Variants in DYRK1A observed in about 807,000 individuals in gnomAD.
The protein encoded by DYRK1A is dual specificity tyrosine phosphorylation regulated kinase 1A, also known as dual specificity tyrosine-phosphorylation-regulated kinase 1A.
In DYRK1A, 9 loss-of-function variants were observed where a neutral mutation model predicts 79.7. The observed-to-expected ratio is 0.11, with a 90% CI of 0.07 to 0.20. The LOEUF is 0.20. Among genes scored for constraint, DYRK1A ranks in the 10% least tolerant of loss-of-function variants. The pLI is 1.00. For missense variants in DYRK1A, 622 were observed against 956.0 expected, an observed-to-expected ratio of 0.65 and a Z score of 4.61; for synonymous variants, 349 against 329.7, an observed-to-expected ratio of 1.06 and a Z score of -0.63.
chr21:37,496,021 A>G, intron 8 of DYRK1A, 97 bp from the exon 9 acceptor site: 1 of 1,199,942 alleles, frequency 8.3e-7, no homozygotes, highest in Non-Finnish European at 1.2e-6. Context: ...CCAGACACAC[A>G]GGAGGTGTGC....
intron 2 of DYRK1A, among the ~76,000 whole-genome samples, chr21:37,468,505 C>G (rs1032628169): frequency 6.6e-6 from 1 of 152,064 alleles, no homozygotes; most frequent in South Asian, 2.1e-4. Flanking sequence ...GAACAGAGAC[C>G]TAGGTAGGTA....
intron 1 of DYRK1A, among the ~76,000 whole-genome samples, chr21:37,386,802 A>G (rs556363374): frequency 6.6e-6 from 1 of 152,310 alleles, no homozygotes; most frequent in South Asian, 2.1e-4. Flanking sequence ...CTATCCTCAG[A>G]TTAATCAGAT....
intron 1 of DYRK1A, among the ~76,000 whole-genome samples, chr21:37,406,236 G>T (rs938774270): frequency 9.2e-5 from 14 of 152,116 alleles, no homozygotes; most frequent in African/African-American, 3.4e-4. Context: ...GGTTACTACA[G>T]AGTGTTTACT....
chr21:37,394,951 A>T (rs1430649181), intron 1 of DYRK1A, among the ~76,000 whole-genome samples: 1 of 152,238 alleles, frequency 6.6e-6, no homozygotes, highest in East Asian at 1.9e-4. Context: ...GATCTCAAGT[A>T]TTCTACAGTT....
At chr21:37,424,388 GATAAGT>G (rs1207584916) in intron 2 of DYRK1A, among the ~76,000 whole-genome samples, 1 of 152,082 alleles carries the variant, frequency 6.6e-6, no homozygotes, top group East Asian at 1.9e-4. Flanking sequence ...AATATATATA[GATAAGT>G]ATAAGGAAAC....
chr21:37,417,529 C>CTTTTTCTTTTTTTTTTTTTTTTTTTTTT (rs1555959239), intron 1 of DYRK1A, among the ~76,000 whole-genome samples: 1 of 44,048 alleles, frequency 2.3e-5, no homozygotes, highest in Non-Finnish European at 3.9e-5. Context: ...TTTTCTTTTT[C>CTTTTTCTTTTTTTTTTTTTTTTTTTTTT]TTTTTTTTTT....
intron 8 of DYRK1A, among the ~76,000 whole-genome samples, chr21:37,494,669 C>T (rs1042079535): frequency 7.9e-5 from 12 of 151,852 alleles, no homozygotes; most frequent in Admixed American, 1.3e-4. Flanking sequence ...TTGATAATGC[C>T]GGGCGCAGTG....
chr21:37,473,758 C>G (rs1439064316), intron 3 of DYRK1A, among the ~76,000 whole-genome samples: 1 of 152,110 alleles, frequency 6.6e-6, no homozygotes, highest in Admixed American at 6.6e-5. Context: ...AGTAGGCTGA[C>G]ATAATGTTTA....
At chr21:37,485,033 C>T (rs2052805334) in intron 5 of DYRK1A, among the ~76,000 whole-genome samples, 1 of 152,074 alleles carries the variant, frequency 6.6e-6, no homozygotes, top group African/African-American at 2.4e-5. Context: ...CAATACTTAC[C>T]AATCCTGATT....
intron 11 of DYRK1A, among the ~76,000 whole-genome samples, chr21:37,508,298 C>T (rs1251503651): frequency 6.6e-6 from 1 of 152,070 alleles, no homozygotes; most frequent in Non-Finnish European, 1.5e-5. Flanking sequence ...CTTTTTTTCT[C>T]CCCTGCTGAG....
chr21:37,408,534 T>A (rs989198679), intron 1 of DYRK1A, among the ~76,000 whole-genome samples: 1 of 152,192 alleles, frequency 6.6e-6, no homozygotes, highest in East Asian at 1.9e-4. Context: ...TTCCCAAGAT[T>A]TATCTGATTA....
chr21:37,512,494 G>T lies in DYRK1A; in HGVS notation c.2228G>T (p.Gly743Val). 1 of 1,614,180 alleles carries T rather than the reference G, an allele frequency of 6.2e-7. No individual in the cohort carries two copies. Among genetic ancestry groups the T allele is most frequent in the Non-Finnish European group, 8.5e-7 (1 of 1,180,024 alleles). The change falls in exon 12 of 12, where the codon GGA becomes GTA. Residue 743 changes from glycine (G) to valine (V), a missense_variant. Physicochemically the swap from Gly to Val is moderately radical, Grantham distance 109. Transcript: ENST00000647188. Reference protein sequence around the residue: ...GADREESPMTGVCVQQSPVAS... With the variant: ...GADREESPMTVVCVQQSPVAS... ...GATAGAGAAGAGTCCCCCATGACAG[G>T]AGTTTGTGTGCAACAGAGTCCTGTA... is the stretch of plus-strand genomic sequence containing the variant.
rs2053233966 is a variant in DYRK1A at position 37,495,271 on chromosome 21, A to G, written c.1072-847A>G. On this transcript the variant is annotated intron_variant, in intron 8 of 11. Transcript: ENST00000647188. ...ACGCCTGTAATCCCAGCACTTTGGG[A>G]GGTCAAGGTGGGAGGATTGCTTTAT... Among the ~76,000 whole-genome samples, 4 of 150,702 alleles carry G rather than the reference A, an allele frequency of 2.7e-5. No individual in the cohort carries two copies. In the South Asian group the frequency reaches 8.4e-4, roughly 32 times the overall value.
At chr21:37,389,213 A>G (rs1381044611) in intron 1 of DYRK1A, among the ~76,000 whole-genome samples, 2 of 151,274 alleles carry the variant, frequency 1.3e-5, no homozygotes, top group Non-Finnish European at 2.9e-5. Context: ...TTAAAAAAGT[A>G]TATATATATA....
intron 2 of DYRK1A, among the ~76,000 whole-genome samples, chr21:37,458,374 G>GA (rs1372087962): frequency 3.3e-5 from 5 of 149,420 alleles, no homozygotes; most frequent in Admixed American, 6.7e-5. Flanking sequence ...TTTTGATTTT[G>GA]AAAAAAATGA....
At chr21:37,389,018 C>T (rs2049817615) in intron 1 of DYRK1A, among the ~76,000 whole-genome samples, 1 of 150,342 alleles carries the variant, frequency 6.7e-6, no homozygotes, top group South Asian at 2.1e-4. Flanking sequence ...AGTGCAGTGG[C>T]CAAAAAAAAG....
rs1235119794 is a variant in DYRK1A at position 37,514,925 on chromosome 21, A to G, written c.*2394A>G. On this transcript the variant is annotated 3_prime_UTR_variant, in exon 12 of 12. Coordinates refer to ENST00000647188, the MANE Select transcript of DYRK1A (RefSeq NM_001347721.2). The stretch of plus-strand genomic sequence containing the variant: ...AACCGATATTTACGTAAAGAAAATC[A>G]TAAAATCCAATGCTTCTGCATACTG... The G allele has an allele frequency of 6.5e-6, 1 of 152,672 alleles. No individual in the cohort carries two copies. The highest frequency in any genetic ancestry group is 1.5e-5 in the Non-Finnish European group (1 of 68,042). 9.5% of individuals were successfully genotyped at this position (152,672 alleles called of 1,614,324 possible).
chr21:37,480,384 T>TA (rs2148581208), intron 4 of DYRK1A, among the ~76,000 whole-genome samples: 1 of 152,306 alleles, frequency 6.6e-6, no homozygotes, highest in South Asian at 2.1e-4. Flanking sequence ...AACAAATAAA[T>TA]ATAAACCAGG....
intron 1 of DYRK1A, among the ~76,000 whole-genome samples, chr21:37,381,099 C>T (rs2049649078): frequency 6.6e-6 from 1 of 152,210 alleles, no homozygotes; most frequent in South Asian, 2.1e-4. Flanking sequence ...CTTGCAATCT[C>T]AGTGGTTGGC....
Sources: gnomAD v4.1 joint callset for allele counts (sites outside exome capture counted in the v4.1 genomes callset) on GRCh38, gnomAD v4.1.1 for gene constraint, MANE v1.5 for transcripts, NCBI Gene and HGNC (gene_info 2026-07-23, HGNC 2026-07-21) for gene names.